The following ATRX variants were observed in gnomAD, a reference collection of about 807,000 sequenced individuals.
ATRX encodes chromatin remodeler ATRX.
Under a neutral mutation model 172.6 loss-of-function variants are expected in ATRX, and 12 were observed. The observed-to-expected ratio is 0.07, with a 90% CI of 0.04 to 0.11. The LOEUF (loss-of-function observed/expected upper bound fraction) is 0.11. ATRX is among the 10% of genes least tolerant of loss of function. ATRX has a pLI of 1.00. For synonymous variants in ATRX, 674 were observed against 594.7 expected (o/e 1.13, Z -1.94); for missense variants, 1,368 against 1,767.4 (o/e 0.77, Z 4.05).
At chrX:77,770,102 T>C (rs1229253066) in intron 1 of ATRX, among the ~76,000 whole-genome samples, 1 of 108,639 alleles carries the variant, frequency 9.2e-6, no homozygotes, top group Non-Finnish European at 1.9e-5. Context: ...TGGGAAATGA[T>C]AAACTTTTTT....
chrX:77,534,217 A>G (rs1330741799), intron 30 of ATRX, among the ~76,000 whole-genome samples: 1 of 111,817 alleles, frequency 8.9e-6, no homozygotes, highest in Non-Finnish European at 1.9e-5. Flanking sequence ...CCAGAGTGCT[A>G]TGTAAGACAT....
At chrX:77,551,825 T>C (rs1260280808) in intron 30 of ATRX, among the ~76,000 whole-genome samples, 1 of 112,001 alleles carries the variant, frequency 8.9e-6, no homozygotes, top group Non-Finnish European at 1.9e-5. Context: ...GAACAGACAC[T>C]TCTCAAAAGA....
intron 28 of ATRX, among the ~76,000 whole-genome samples, chrX:77,566,491 G>A (rs1212696179): frequency 2.7e-5 from 3 of 112,245 alleles, no homozygotes; most frequent in Non-Finnish European, 3.8e-5. Flanking sequence ...GGTGGCTCAC[G>A]CCTGTAATCC....
intron 34 of ATRX, among the ~76,000 whole-genome samples, chrX:77,515,424 GAA>G (rs371969105): frequency 1.1e-4 from 12 of 105,081 alleles, no homozygotes; most frequent in Admixed American, 3.1e-4. Flanking sequence ...CAGGAGGGGT[GAA>G]AAAAAAAAAT....
chrX:77,768,955 C>T (rs2076064238), intron 1 of ATRX, among the ~76,000 whole-genome samples: 1 of 111,403 alleles, frequency 9.0e-6, no homozygotes, highest in African/African-American at 3.3e-5. Flanking sequence ...TTGTAGCTTA[C>T]CAACTTTTTC....
intron 20 of ATRX, among the ~76,000 whole-genome samples, chrX:77,619,776 C>A (rs1442974346): frequency 9.0e-6 from 1 of 111,212 alleles, no homozygotes; most frequent in Non-Finnish European, 1.9e-5. Context: ...TAACAAAAAG[C>A]CATTACAGTG....
intron 7 of ATRX, among the ~76,000 whole-genome samples, chrX:77,685,983 A>C (rs2071531717): frequency 8.9e-6 from 1 of 111,831 alleles, no homozygotes; most frequent in South Asian, 3.7e-4. Flanking sequence ...AGTGGGATCT[A>C]AAAATCAAAA....
rs187760069 is a variant in ATRX, at chrX:77,586,404, C to T, written c.6217+3430G>A. Among the ~76,000 whole-genome samples, 6 of 111,655 alleles carry T rather than the reference C, an allele frequency of 5.4e-5. 1 individual carries two copies. The highest frequency in any genetic ancestry group is 4.7e-4 in the Admixed American group (5 of 10,582). On this transcript the variant is annotated intron_variant, in intron 27 of 34. Coordinates refer to ENST00000373344, the MANE Select transcript of ATRX (RefSeq NM_000489.6). The stretch of plus-strand genomic sequence containing the variant: ...AATTAATCAGGTGAAGAAGATAGTG[C>T]GGGTGGAGAGAGCATTGCAGGCAGA...
At chrX:77,547,846 T>C (rs2064304229) in intron 30 of ATRX, among the ~76,000 whole-genome samples, 1 of 111,436 alleles carries the variant, frequency 9.0e-6, no homozygotes, top group Non-Finnish European at 1.9e-5. Context: ...AGTTTTCTAC[T>C]GGTCTGTCAT....
intron 9 of ATRX, among the ~76,000 whole-genome samples, chrX:77,679,473 A>G (rs189938508): frequency 0.012 from 1,333 of 112,027 alleles, 11 homozygotes; most frequent in Non-Finnish European, 0.02. Context: ...CAGTGCTGAG[A>G]TAAGTAATTA....
chrX:77,563,660 G>C (rs1557063015), intron 28 of ATRX, among the ~76,000 whole-genome samples: 1 of 109,468 alleles, frequency 9.1e-6, no homozygotes, highest in Non-Finnish European at 1.9e-5. Context: ...GGGTTTTCCA[G>C]AGAAACAGAA....
intron 15 of ATRX, 146 bp from the exon 16 acceptor site, chrX:77,636,202 C>G: frequency 1.7e-6 from 1 of 591,243 alleles, no homozygotes; most frequent in Non-Finnish European, 2.7e-6. Flanking sequence ...TGTGTCCCCA[C>G]CAAATCTCAT....
intron 22 of ATRX, among the ~76,000 whole-genome samples, chrX:77,604,193 A>C (rs1050466309): frequency 1.8e-5 from 2 of 112,428 alleles, no homozygotes; most frequent in African/African-American, 6.5e-5. Flanking sequence ...AGAAATAATT[A>C]ACTGAGTGAA....
intron 30 of ATRX, among the ~76,000 whole-genome samples, chrX:77,526,588 C>A (rs964467375): frequency 2.7e-5 from 3 of 112,282 alleles, no homozygotes; most frequent in Non-Finnish European, 5.6e-5. Context: ...CAGGCATGAG[C>A]CACTGAACCT....
intron 10 of ATRX, among the ~76,000 whole-genome samples, chrX:77,671,100 A>G (rs1192182136): frequency 1.1e-5 from 1 of 87,923 alleles, no homozygotes; most frequent in Non-Finnish European, 2.2e-5. Flanking sequence ...GTGAGCCGAG[A>G]TCATGCCTCT....
chrX:77,529,681 C>T (rs956705468), intron 30 of ATRX, among the ~76,000 whole-genome samples: 4 of 111,507 alleles, frequency 3.6e-5, no homozygotes, highest in African/African-American at 1.3e-4. Context: ...AAAGAAAAAA[C>T]CATTATCAGC....
At chrX:77,543,865 G>A (rs1167992448) in intron 30 of ATRX, among the ~76,000 whole-genome samples, 1 of 109,607 alleles carries the variant, frequency 9.1e-6, no homozygotes, top group African/African-American at 3.3e-5. Flanking sequence ...GTAGGTGACG[G>A]GTTGATGGGT....
chrX:77,671,167 A>AAAATATATAAAT (rs1424480831), intron 10 of ATRX, among the ~76,000 whole-genome samples: 1 of 15,735 alleles, frequency 6.4e-5, no homozygotes, highest in African/African-American at 2.1e-4. Context: ...AAAAAAAAAA[A>AAAATATATAAAT]ATATATATAT....
At chrX:77,601,036 A>AT (rs1267672842) in intron 22 of ATRX, among the ~76,000 whole-genome samples, 4 of 111,263 alleles carry the variant, frequency 3.6e-5, no homozygotes, top group Admixed American at 1.9e-4. Context: ...TCAATATATA[A>AT]TTTTTTTCTT....
Sources: allele counts gnomAD v4.1 joint callset (sites outside exome capture counted in the v4.1 genomes callset), GRCh38; gene constraint gnomAD v4.1.1; transcripts MANE v1.5; gene names NCBI Gene and HGNC (gene_info 2026-07-23, HGNC 2026-07-21).